The following WDR72 variants were observed in gnomAD, a reference collection of about 807,000 sequenced individuals.
WDR72 encodes WD repeat domain 72.
In WDR72, 120 loss-of-function variants were observed where a neutral mutation model predicts 124.2. The observed-to-expected ratio is 0.97, with a 90% confidence interval of 0.83 to 1.12. The LOEUF is 1.12. Ranked by LOEUF, WDR72 falls within the 50% of genes most tolerant of loss-of-function variation. The pLI is 0.00. For missense variants in WDR72, 1,387 were observed against 1,278.8 expected, an observed-to-expected ratio of 1.08 and a Z score of -1.29; for synonymous variants, 452 against 441.7, an observed-to-expected ratio of 1.02 and a Z score of -0.29.
chr15:53,760,016 CT>C (rs34013041), upstream of WDR72, among the ~76,000 whole-genome samples: 78,697 of 138,008 alleles, frequency 0.57, 22,456 homozygotes, highest in Middle Eastern at 0.7. Context: ...AGGCCTCAAC[CT>C]TTTTTTTTTT....
At chr15:53,691,421 G>A (rs2016836730) in intron 13 of WDR72, among the ~76,000 whole-genome samples, 1 of 152,068 alleles carries the variant, frequency 6.6e-6, no homozygotes, top group Non-Finnish European at 1.5e-5. Flanking sequence ...TACATTCTGG[G>A]TATTAGACCA....
At chr15:53,613,424 T>C (rs577116674) in intron 16 of WDR72, among the ~76,000 whole-genome samples, 2 of 152,212 alleles carry the variant, frequency 1.3e-5, no homozygotes, top group East Asian at 3.9e-4. Context: ...AAATGTTCAA[T>C]CTATGTTTTT....
At chr15:53,614,695 A>G (rs546921336) in intron 15 of WDR72, among the ~76,000 whole-genome samples, 10 of 152,146 alleles carry the variant, frequency 6.6e-5, no homozygotes, top group African/African-American at 2.4e-4. Context: ...CTGTGGGATC[A>G]TGATTAGACC....
chr15:53,580,117 T>G lies in WDR72; in HGVS notation c.3148+16962A>C, dbSNP rs191696656. 2.0e-5 allele frequency among the ~76,000 whole-genome samples: 3 copies of G among 152,182 alleles called. No homozygotes were observed. The East Asian group carries it at 5.8e-4, about 30-fold the overall frequency. ...TACTTATTGCAACATTTGCCCACCA[T>G]AAACTCTTAGTGATTGCAGCTGATT... On this transcript the variant is annotated intron_variant, in intron 18 of 19. Transcript: ENST00000360509.
At chr15:53,532,538 G>A (rs1337104355) in intron 18 of WDR72, among the ~76,000 whole-genome samples, 2 of 152,170 alleles carry the variant, frequency 1.3e-5, no homozygotes, top group South Asian at 2.1e-4. Flanking sequence ...AATAAGTCAG[G>A]TACAGAAAAA....
chr15:53,730,654 C>G (rs959851600), intron 2 of WDR72, among the ~76,000 whole-genome samples: 7 of 152,076 alleles, frequency 4.6e-5, no homozygotes, highest in African/African-American at 1.7e-4. Context: ...CTTCTTCCTA[C>G]CATCCTCTCC....
intron 7 of WDR72, 22 bp from the exon 8 acceptor site, chr15:53,711,503 C>T: frequency 6.2e-7 from 1 of 1,613,304 alleles, no homozygotes; most frequent in Non-Finnish European, 8.5e-7. Context: ...AGTTGATGCA[C>T]ATTATCAAAG....
At chr15:53,691,126 T>G (rs1254414526) in intron 13 of WDR72, among the ~76,000 whole-genome samples, 1 of 152,212 alleles carries the variant, frequency 6.6e-6, no homozygotes, top group Non-Finnish European at 1.5e-5. Context: ...TACAGCTCAC[T>G]GCAGCCTCAA....
At chr15:53,693,685 G>T (rs921463921) in intron 13 of WDR72, among the ~76,000 whole-genome samples, 5 of 152,118 alleles carry the variant, frequency 3.3e-5, no homozygotes, top group African/African-American at 9.7e-5. Flanking sequence ...ATAAGAAAAA[G>T]AAATTAAAAG....
At chr15:53,539,018 T>TA (rs1337289564) in intron 18 of WDR72, among the ~76,000 whole-genome samples, 1 of 152,134 alleles carries the variant, frequency 6.6e-6, no homozygotes, top group Non-Finnish European at 1.5e-5. Flanking sequence ...TGGGTCAAGT[T>TA]ACTCATAAGG....
intron 17 of WDR72, among the ~76,000 whole-genome samples, chr15:53,601,430 A>G (rs991845877): frequency 2.0e-5 from 3 of 152,174 alleles, no homozygotes; most frequent in Non-Finnish European, 4.4e-5. Flanking sequence ...GACCAGTGAC[A>G]CTGTAAGGCA....
intron 13 of WDR72, among the ~76,000 whole-genome samples, chr15:53,689,157 C>A (rs867317375): frequency 8.1e-4 from 124 of 152,266 alleles, no homozygotes; most frequent in Middle Eastern, 3.4e-3. Context: ...AGGCATGGGC[C>A]AGGACTTCAC....
At chr15:53,610,775 TAGA>T (rs2013506398) in intron 16 of WDR72, among the ~76,000 whole-genome samples, 1 of 152,036 alleles carries the variant, frequency 6.6e-6, no homozygotes, top group East Asian at 1.9e-4. Context: ...GGAAGTATGG[TAGA>T]AGATTATAAT....
At chr15:53,635,225 G>T (rs566503735) in intron 14 of WDR72, among the ~76,000 whole-genome samples, 6 of 152,264 alleles carry the variant, frequency 3.9e-5, no homozygotes, top group Non-Finnish European at 8.8e-5. Context: ...ATCCTCCCTG[G>T]TGTAGCTCTG....
intron 14 of WDR72, among the ~76,000 whole-genome samples, chr15:53,634,052 AAGTT>A (rs1391830165): frequency 6.6e-6 from 1 of 152,236 alleles, no homozygotes; most frequent in Non-Finnish European, 1.5e-5. Flanking sequence ...CAGTAATAAA[AAGTT>A]AAGTTTTGAA....
intron 18 of WDR72, among the ~76,000 whole-genome samples, chr15:53,527,295 TA>T (rs1892175502): frequency 6.6e-6 from 1 of 152,080 alleles, no homozygotes; most frequent in Non-Finnish European, 1.5e-5. Flanking sequence ...AGTCATTCTC[TA>T]AAAATTCCGT....
Position 53,615,635 on chromosome 15 carries a change from A to G in WDR72, c.2571T>C (p.Tyr857=), listed in dbSNP as rs753935334. The part of the protein sequence containing the change: ...DLCNSGMIKD[Y]SGVNLFSRKV... ...TCCTGGAAAATAAATTTACTCCTGA[A>G]TAGTCTTTTATCATTCCACTATTGC... is the stretch of plus-strand genomic sequence containing the variant. Residue 857 remains tyrosine, a synonymous_variant, in exon 15 of 20, where the codon TAT becomes TAC. Coordinates refer to ENST00000360509, the MANE Select transcript of WDR72 (RefSeq NM_182758.4). 2 of 1,612,448 alleles carry G rather than the reference A, an allele frequency of 1.2e-6. No homozygotes were observed. Among genetic ancestry groups the G allele is most frequent in the East Asian group, 4.5e-5 (2 of 44,818 alleles).
At chr15:53,634,930 T>G (rs537215602) in intron 14 of WDR72, among the ~76,000 whole-genome samples, 1 of 152,212 alleles carries the variant, frequency 6.6e-6, no homozygotes, top group Non-Finnish European at 1.5e-5. Flanking sequence ...CCACTTTTCC[T>G]GTCAGGGAGG....
chr15:53,753,824 A>G (rs531132061), intron 1 of WDR72, among the ~76,000 whole-genome samples: 1 of 152,258 alleles, frequency 6.6e-6, no homozygotes, highest in East Asian at 1.9e-4. Context: ...TGGCTTTCCT[A>G]TGCATTTTCT....
Sources: allele counts gnomAD v4.1 joint callset (sites outside exome capture counted in the v4.1 genomes callset), GRCh38; gene constraint gnomAD v4.1.1; transcripts MANE v1.5; gene names NCBI Gene and HGNC (gene_info 2026-07-23, HGNC 2026-07-21).